DIP2A: variants seen among roughly 807,000 people sequenced by gnomAD.
DIP2A encodes disco-interacting protein 2 homolog A.
DIP2A carries 85 observed loss-of-function variants against 177.4 expected under a neutral mutation model. The ratio of observed to expected loss-of-function variants is 0.48; its 90% CI spans 0.40 to 0.57. The LOEUF is 0.57. DIP2A is among the 20% of genes least tolerant of loss of function. The pLI, the probability that DIP2A is intolerant of heterozygous loss-of-function variation, is 0.00. For synonymous variants in DIP2A, 886 were observed against 881.8 expected, an observed-to-expected ratio of 1.00 and a Z score of -0.08; for missense variants, 1,791 against 2,100.2, an observed-to-expected ratio of 0.85 and a Z score of 2.88.
In DIP2A at chr21:46,503,558, CCTTGAGGGAATTT is replaced by C. The variant is rs1486078804; in HGVS notation, c.656-799_656-787del. Among the ~76,000 whole-genome samples the C allele has an allele frequency of 2.1e-3, 294 of 142,226 alleles. 13 individuals carry two copies. In the South Asian group the frequency reaches 0.055, roughly 27 times the overall value. The allele number at this position is 142,226 out of a possible 152,430, so 93.3% of individuals were successfully genotyped here. On this transcript the variant is annotated intron_variant, in intron 5 of 37. Coordinates refer to ENST00000417564, the MANE Select transcript of DIP2A (RefSeq NM_015151.4). ...ATTGATTTCAAATTTGTTTCTGCTT[CCTTGAGGGAATTT>C]CTTCCTTCCTTCCTTCCTTCCTTCC...
intron 5 of DIP2A, among the ~76,000 whole-genome samples, chr21:46,499,824 A>G (rs1264911182): frequency 6.6e-6 from 1 of 151,600 alleles, no homozygotes; most frequent in South Asian, 2.1e-4. Flanking sequence ...AGGAAGGAAG[A>G]AAAAAAAGTC....
At chr21:46,545,452 G>A (rs542423009) in intron 19 of DIP2A, among the ~76,000 whole-genome samples, 179 bp downstream of exon 19, 32 of 152,314 alleles carry the variant, frequency 2.1e-4, no homozygotes, top group Non-Finnish European at 1.5e-5. Context: ...CCAGAGTGAG[G>A]GCAAGGCCAG....
At chr21:46,481,446 C>T (rs570477424) in intron 1 of DIP2A, among the ~76,000 whole-genome samples, 1 of 152,212 alleles carries the variant, frequency 6.6e-6, no homozygotes, top group Non-Finnish European at 1.5e-5. Flanking sequence ...TATGTGAACA[C>T]AAGTTTTTAC....
intron 13 of DIP2A, among the ~76,000 whole-genome samples, chr21:46,536,975 C>T (rs562642375): frequency 6.6e-6 from 1 of 151,816 alleles, no homozygotes; most frequent in African/African-American, 2.4e-5. Context: ...TGTGATGTTC[C>T]TGTGCCTTCT....
intron 1 of DIP2A, among the ~76,000 whole-genome samples, chr21:46,478,023 C>T (rs762372482): frequency 2.0e-5 from 3 of 152,160 alleles, no homozygotes; most frequent in Non-Finnish European, 4.4e-5. Flanking sequence ...CCTGCTGCTT[C>T]GGACTGATTT....
chr21:46,505,232 A>C (rs2057909807), intron 6 of DIP2A, among the ~76,000 whole-genome samples: 1 of 152,218 alleles, frequency 6.6e-6, no homozygotes, highest in Non-Finnish European at 1.5e-5. Flanking sequence ...CATGTATTTA[A>C]TTCAATTTAT....
At chr21:46,503,657 TTC>T (rs1452058805) in intron 5 of DIP2A, among the ~76,000 whole-genome samples, 1 of 46,962 alleles carries the variant, frequency 2.1e-5, no homozygotes, top group African/African-American at 1.5e-4. Flanking sequence ...TTCTTTTTCT[TTC>T]TTTCTTTTTC....
chr21:46,460,087 G>T (rs1213394947), intron 1 of DIP2A, among the ~76,000 whole-genome samples: 1 of 152,154 alleles, frequency 6.6e-6, no homozygotes, highest in African/African-American at 2.4e-5. Context: ...ATAAAGTGGG[G>T]TTATACCAGC....
intron 25 of DIP2A, chr21:46,553,619 C>T: frequency 6.5e-6 from 1 of 153,578 alleles, no homozygotes; most frequent in Non-Finnish European, 1.5e-5. Flanking sequence ...AGGCTCAGTG[C>T]AGGTGACCTG....
At chr21:46,566,516 A>C in intron 36 of DIP2A, 44 bp from the exon 37 acceptor site, 1 of 1,613,166 alleles carries the variant, frequency 6.2e-7, no homozygotes, top group Non-Finnish European at 8.5e-7. Flanking sequence ...CAGACTCTGC[A>C]TGCCTTGGCT....
chr21:46,493,671 G>T (rs2057149092), intron 3 of DIP2A, among the ~76,000 whole-genome samples: 1 of 152,102 alleles, frequency 6.6e-6, no homozygotes, highest in African/African-American at 2.4e-5. Flanking sequence ...GAAGCTTTTA[G>T]AATTGTTCTG....
chr21:46,583,560 C>T, the DIP2A span, among the ~76,000 whole-genome samples: 1 of 152,174 alleles, frequency 6.6e-6, no homozygotes, highest in Non-Finnish European at 1.5e-5. Flanking sequence ...AATTTTTGTT[C>T]ACTCCAAAAC....
At chr21:46,474,197 G>A (rs1470104611) in intron 1 of DIP2A, among the ~76,000 whole-genome samples, 2 of 152,198 alleles carry the variant, frequency 1.3e-5, no homozygotes, top group African/African-American at 4.8e-5. Flanking sequence ...ACCTGTCTGG[G>A]AGATGATGGT....
rs1325633301 is a variant in DIP2A at position 46,567,631 on chromosome 21, C to G, written c.*9C>G. 1.9e-6 allele frequency: 3 copies of G among 1,572,062 alleles called. No homozygotes were observed. The South Asian group carries it at 3.6e-5, about 19-fold the overall frequency. ...TCGCCTACAACATGTGAGCGCAGCACACCGGCCCAGGTGCCGGAGATGAAT... is the reference window on the plus strand; with the variant it reads ...TCGCCTACAACATGTGAGCGCAGCAGACCGGCCCAGGTGCCGGAGATGAAT... On this transcript the variant is annotated 3_prime_UTR_variant, in exon 38 of 38. Transcript: ENST00000417564.
In DIP2A at chr21:46,498,811, C is replaced by G; in HGVS notation, c.633C>G (p.Gly211=). Reference sequence around the variant, plus strand: ...CCGCCGCTACCACTGCACTCGCAGGCCTCGAGGCCCACACCCACATAGGTC... The same window carrying G: ...CCGCCGCTACCACTGCACTCGCAGGGCTCGAGGCCCACACCCACATAGGTC... ...PGAAATTALA[G]LEAHTHIDLH... Residue 211 remains glycine (G), a synonymous_variant, in exon 5 of 38, where the codon GGC becomes GGG. Coordinates refer to ENST00000417564, the MANE Select transcript of DIP2A (RefSeq NM_015151.4). The surrounding 1 kb of genome is among the most constrained non-coding windows in gnomAD (Gnocchi z 4.3). 6.2e-7 allele frequency: 1 copy of G among 1,613,568 alleles called. No individual in the cohort carries two copies. The highest frequency in any genetic ancestry group is 8.5e-7 in the Non-Finnish European group (1 of 1,179,716).
At position 46,563,643 on chromosome 21, in the gene DIP2A, C is replaced by A; in HGVS notation, c.4090-215C>A. 1.3e-6 allele frequency: 1 copy of A among 793,968 alleles called. No individual in the cohort carries two copies. 49.2% of individuals were successfully genotyped at this position (793,968 alleles called of 1,614,324 possible). ...GACACCCAGAGACGGGATCCCTTCT[C>A]AGGAACTGGAGTCATTTTGCTTATT... On this transcript the variant is annotated intron_variant, in intron 34 of 37. Transcript: ENST00000417564. The surrounding 1 kb of genome is among the most constrained non-coding windows in gnomAD (Gnocchi z 4.3).
intron 3 of DIP2A, among the ~76,000 whole-genome samples, chr21:46,493,755 G>A (rs182861748): frequency 1.3e-5 from 2 of 152,244 alleles, no homozygotes; most frequent in Admixed American, 6.5e-5. Context: ...AGTAGGAAAA[G>A]GTTTAACCTG....
At chr21:46,484,350 A>G (rs1165453082) in intron 1 of DIP2A, among the ~76,000 whole-genome samples, 8 of 152,216 alleles carry the variant, frequency 5.3e-5, no homozygotes, top group Non-Finnish European at 1.5e-5. Flanking sequence ...GCATATGCTC[A>G]TGTAACCACC....
chr21:46,496,602 T>A (rs1374172157), intron 3 of DIP2A, among the ~76,000 whole-genome samples: 1 of 152,178 alleles, frequency 6.6e-6, no homozygotes, highest in Non-Finnish European at 1.5e-5. Context: ...TCATAATGTT[T>A]TAAGAAATTT....
Sources: allele counts gnomAD v4.1 joint callset (sites outside exome capture counted in the v4.1 genomes callset), GRCh38; gene constraint gnomAD v4.1.1; non-coding constraint Gnocchi (gnomAD v3.1); transcripts MANE v1.5; gene names NCBI Gene and HGNC (gene_info 2026-07-23, HGNC 2026-07-21).